The following RUNX1T1 variants were observed in gnomAD, a reference collection of about 807,000 sequenced individuals.
RUNX1T1 encodes RUNX1 partner transcriptional co-repressor 1, also known as protein CBFA2T1.
RUNX1T1 carries 4 observed loss-of-function variants against 62.8 expected under a neutral mutation model. The observed-to-expected ratio is 0.06, with a 90% confidence interval of 0.03 to 0.15. RUNX1T1 has a LOEUF of 0.15. Ranked by LOEUF, RUNX1T1 falls within the 10% of genes least tolerant of loss-of-function variation. The probability of loss-of-function intolerance (pLI) is 1.00; values close to 1 mark genes in which losing one functional copy is unlikely to be tolerated. For missense variants in RUNX1T1, 508 were observed against 754.3 expected (o/e 0.67, Z 3.82); for synonymous variants, 291 against 286.0 (o/e 1.02, Z -0.18).
chr8:91,991,604 A>G, intron 6 of RUNX1T1, 35 bp downstream of exon 7: 1 of 1,588,526 alleles, frequency 6.3e-7, no homozygotes, highest in African/African-American at 1.3e-5. Context: ...CAAGCACCCA[A>G]TCCCGTAAGA....
chr8:92,040,721 C>T (rs1180531309), intron 1 of RUNX1T1, among the ~76,000 whole-genome samples: 1 of 152,118 alleles, frequency 6.6e-6, no homozygotes, highest in African/African-American at 2.4e-5. Context: ...GGGTGAAATA[C>T]AATTACTGCT....
At chr8:91,991,792 T>G (rs766593716) in exon 6 of RUNX1T1, 2 of 1,614,128 alleles carry the variant, frequency 1.2e-6, no homozygotes, top group East Asian at 4.5e-5. Context: ...GATAAGCCGT[T>G]ATTTGGACTG....
intron 7 of RUNX1T1, 23 bp from the exon 9 acceptor site, chr8:91,986,348 G>C (rs1025632427): frequency 6.5e-7 from 1 of 1,545,126 alleles, no homozygotes; most frequent in Non-Finnish European, 8.9e-7. Flanking sequence ...GGGGAGAATA[G>C]GGAAGAGCAT....
At chr8:92,055,805 T>C (rs1295371122) in intron 1 of RUNX1T1, among the ~76,000 whole-genome samples, 1 of 152,248 alleles carries the variant, frequency 6.6e-6, no homozygotes, top group Non-Finnish European at 1.5e-5. Context: ...AAATATTTGT[T>C]TTGATTTCCT....
chr8:92,093,750 CTAAA>C (rs1837381292), intron 1 of RUNX1T1, among the ~76,000 whole-genome samples: 1 of 152,152 alleles, frequency 6.6e-6, no homozygotes, highest in Non-Finnish European at 1.5e-5. Flanking sequence ...AACTGGTCAC[CTAAA>C]TAGTGACTGA....
chr8:92,066,635 A>G (rs1832917986), upstream of RUNX1T1, among the ~76,000 whole-genome samples: 1 of 152,220 alleles, frequency 6.6e-6, no homozygotes, highest in South Asian at 2.1e-4. Context: ...AACACCTAAT[A>G]AAAATGTACA....
At chr8:92,027,115 C>CAAAAAAAAAAAAAAAAAAAAAA (rs71563484) in intron 1 of RUNX1T1, among the ~76,000 whole-genome samples, 1 of 74,222 alleles carries the variant, frequency 1.3e-5, no homozygotes, top group Non-Finnish European at 2.6e-5. Flanking sequence ...AACTCCGTCT[C>CAAAAAAAAAAAAAAAAAAAAAA]AAAAAAAAAA....
At chr8:92,096,379 CAG>C (rs1212692697) in intron 1 of RUNX1T1, among the ~76,000 whole-genome samples, 2 of 152,192 alleles carry the variant, frequency 1.3e-5, no homozygotes, top group Non-Finnish European at 2.9e-5. Flanking sequence ...GAGAATCAAT[CAG>C]AGAACAAGCA....
intron 9 of RUNX1T1, 196 bp from the exon 11 acceptor site, chr8:91,971,044 T>A (rs1812725466): frequency 2.3e-6 from 1 of 430,552 alleles, no homozygotes; most frequent in South Asian, 7.2e-5. Flanking sequence ...ATGCCCACTA[T>A]CTGATTACTT....
At chr8:91,989,302 AC>A (rs1484218365) in intron 6 of RUNX1T1, among the ~76,000 whole-genome samples, 3 of 152,206 alleles carry the variant, frequency 2.0e-5, no homozygotes, top group Admixed American at 1.3e-4. Context: ...GCCTGATGTA[AC>A]ACCATAATTT....
intron 1 of RUNX1T1, among the ~76,000 whole-genome samples, chr8:92,089,760 CAGAT>C (rs1192275314): frequency 6.6e-6 from 1 of 151,844 alleles, no homozygotes; most frequent in Non-Finnish European, 1.5e-5. Context: ...ACAAAAATTT[CAGAT>C]AATCATCTAA....
At chr8:91,955,464 C>T (rs1406727814), downstream of RUNX1T1, 2 of 226,438 alleles carry the variant, frequency 8.8e-6, no homozygotes, top group Non-Finnish European at 1.8e-5. Context: ...AGGGTGTTTC[C>T]ACTATTTAAA....
chr8:92,061,043 A>G (rs958160969), intron 1 of RUNX1T1, among the ~76,000 whole-genome samples: 5 of 152,232 alleles, frequency 3.3e-5, no homozygotes, highest in Non-Finnish European at 2.9e-5. Context: ...ATCCCTAAAT[A>G]TAGTTCAATG....
chr8:91,959,466 G>GTGTGTGTGTGTGTGTA (rs749787366), exon 11 of RUNX1T1: 1 of 88,598 alleles, frequency 1.1e-5, no homozygotes, highest in African/African-American at 6.3e-5. Flanking sequence ...GTGTGTGTGT[G>GTGTGTGTGTGTGTGTA]TATATGTGCG....
In RUNX1T1 at chr8:92,071,768, G is replaced by A. The variant is rs959999129; in HGVS notation, c.88+4197C>T. On this transcript the variant is annotated intron_variant, in intron 2 of 11. Coordinates refer to the RUNX1T1 transcript ENST00000265814. ...TTTTGCTCTTCAGGTAATTAAACAA[G>A]GAAGCAGGGCTGCTGGGTATGAGCC... is the stretch of plus-strand genomic sequence containing the variant. 2.4e-4 allele frequency among the ~76,000 whole-genome samples: 36 copies of A among 152,154 alleles called. 1 individual carries two copies. The highest frequency in any genetic ancestry group is 2.1e-3 in the Admixed American group (32 of 15,280).
chr8:92,040,881 A>T (rs995181595), intron 1 of RUNX1T1, among the ~76,000 whole-genome samples: 7 of 151,644 alleles, frequency 4.6e-5, no homozygotes, highest in African/African-American at 7.3e-5. Flanking sequence ...AATAATATAA[A>T]TTTTTTTTTC....
At chr8:92,067,941 T>C (rs1833115461), upstream of RUNX1T1, among the ~76,000 whole-genome samples, 2 of 152,238 alleles carry the variant, frequency 1.3e-5, no homozygotes, top group South Asian at 4.1e-4. Context: ...TTGCACTGAT[T>C]AAATTTTATG....
At chr8:92,014,300 C>T (rs1161557032) in intron 3 of RUNX1T1, among the ~76,000 whole-genome samples, 1 of 151,722 alleles carries the variant, frequency 6.6e-6, no homozygotes, top group African/African-American at 2.4e-5. Flanking sequence ...CACACACACA[C>T]ACATTTATAT....
At chr8:92,041,450 T>C (rs1214959799) in intron 1 of RUNX1T1, among the ~76,000 whole-genome samples, 1 of 152,174 alleles carries the variant, frequency 6.6e-6, no homozygotes, top group Non-Finnish European at 1.5e-5. Flanking sequence ...TGTTTAAAAC[T>C]TTGGGTATGG....
Sources: allele counts gnomAD v4.1 joint callset (sites outside exome capture counted in the v4.1 genomes callset), GRCh38; gene constraint gnomAD v4.1.1; transcripts MANE v1.5; gene names NCBI Gene and HGNC (gene_info 2026-07-23, HGNC 2026-07-21).